The following CHRNA3 variants were observed in gnomAD, a reference collection of about 807,000 sequenced individuals.
CHRNA3 encodes the protein neuronal acetylcholine receptor subunit alpha-3.
CHRNA3 carries 34 observed loss-of-function variants against 41.9 expected under a neutral mutation model. The observed-to-expected ratio is 0.81, with a 90% CI of 0.62 to 1.08. The LOEUF is 1.08. CHRNA3 is among the 50% of genes least tolerant of loss of function. CHRNA3 has a pLI of 0.00. For synonymous variants in CHRNA3, 281 were observed against 265.2 expected (o/e 1.06, Z -0.58); for missense variants, 542 against 638.3 (o/e 0.85, Z 1.63).
rs78513306 is a variant in CHRNA3 at position 78,605,231 on chromosome 15, G to A, written c.378-2967C>T. ...CTATGAGAAAGATCATGATGGCATG[G>A]GTTTTTAAAATCTCTCTAAATTTCT... On this transcript the variant is annotated intron_variant, in intron 4 of 5. Coordinates refer to ENST00000326828, the MANE Select transcript of CHRNA3 (RefSeq NM_000743.5). 6.6e-5 allele frequency among the ~76,000 whole-genome samples: 10 copies of A among 152,182 alleles called. No individual in the cohort carries two copies. In the East Asian group the frequency reaches 1.7e-3, roughly 26 times the overall value.
At chr15:78,604,495 G>A (rs2053253160) in intron 4 of CHRNA3, among the ~76,000 whole-genome samples, 1 of 152,174 alleles carries the variant, frequency 6.6e-6, no homozygotes, top group Admixed American at 6.5e-5. Flanking sequence ...TTGGCTGATG[G>A]CTCATTTCTG....
chr15:78,618,724 C>T (rs2053503277), intron 2 of CHRNA3, 52 bp downstream of exon 2: 1 of 1,614,004 alleles, frequency 6.2e-7, no homozygotes, highest in Non-Finnish European at 8.5e-7. Flanking sequence ...GGGAAAGGCT[C>T]CTCCAGAAGC....
rs575401292 is a variant in CHRNA3 at position 78,602,093 on chromosome 15, A to G, written c.549T>C (p.Asp183=). 6.2e-7 allele frequency: 1 copy of G among 1,614,166 alleles called. No homozygotes were observed. ...TCAGGACCAGATCGATTTTCGCCTT[A>G]TCGTAGGACCAGGAACCGAACTTCA... The part of the protein sequence containing the change: ...CTMKFGSWSY[D]KAKIDLVLIG... The change falls in exon 5 of 6, where the codon GAT becomes GAC. Residue 183 remains aspartate, a synonymous_variant. Coordinates refer to ENST00000326828, the MANE Select transcript of CHRNA3 (RefSeq NM_000743.5).
Position 78,596,439 on chromosome 15 carries a change from CA to C in CHRNA3, c.*164del, listed in dbSNP as rs978302865. ...ATTTATCGGTAATAAATACTCTTGA[CA>C]TTTTTTTTTTTGCATGATTCCAAGA... On this transcript the variant is annotated 3_prime_UTR_variant, in exon 6 of 6. Transcript: ENST00000326828. 30 of 1,270,426 alleles carry C rather than the reference CA, an allele frequency of 2.4e-5. No homozygotes were observed. In the Middle Eastern group the frequency reaches 8.9e-4, roughly 38 times the overall value. 78.7% of individuals were successfully genotyped at this position (1,270,426 alleles called of 1,614,324 possible). A position where few individuals can be genotyped will look rare whatever the true frequency, so the allele number is the denominator to read the frequency against.
chr15:78,596,749 TAAAAG>T lies in CHRNA3; in HGVS notation c.1390-22_1390-18del, dbSNP rs755674938. On this transcript the variant is annotated intron_variant, in intron 5 of 5. Coordinates refer to ENST00000326828, the MANE Select transcript of CHRNA3 (RefSeq NM_000743.5). ...ATCTTGAATCTGCAAAACAAAATGA[TAAAAG>T]AAAAAAAACATGGAGGGAAAGGCAA... 59 of 1,584,714 alleles carry T rather than the reference TAAAAG, an allele frequency of 3.7e-5. No individual in the cohort carries two copies. The African/African-American group carries it at 5.8e-4, about 15-fold the overall frequency.
chr15:78,609,585 A>C (rs1345879910), intron 4 of CHRNA3, among the ~76,000 whole-genome samples: 4 of 152,218 alleles, frequency 2.6e-5, no homozygotes, highest in Non-Finnish European at 5.9e-5. Flanking sequence ...GAAGCGCTAA[A>C]CATGGAAAGG....
downstream of CHRNA3, chr15:78,595,242 GATTTTTATATATAA>G: frequency 1.0e-6 from 1 of 968,408 alleles, no homozygotes; most frequent in Non-Finnish European, 1.2e-6. Flanking sequence ...TGTTACTTAT[GATTTTTATATATAA>G]ATTTTTATCG....
rs8040476 is a variant in CHRNA3 at position 78,612,119 on chromosome 15, A to G, written c.377+4905T>C. Among the ~76,000 whole-genome samples the G allele has an allele frequency of 1.6e-3, 238 of 152,236 alleles. 2 individuals are homozygous for G. The highest frequency in any genetic ancestry group is 5.2e-3 in the African/African-American group (215 of 41,552). ...ATGCTCATGGGTAGGAAGAATCAAT[A>G]TCGTGAAAATGGCCATACTGCCCAA... is the stretch of plus-strand genomic sequence containing the variant. On this transcript the variant is annotated intron_variant, in intron 4 of 5. Coordinates refer to ENST00000326828, the MANE Select transcript of CHRNA3 (RefSeq NM_000743.5).
At chr15:78,596,858 C>CTT in intron 5 of CHRNA3, 126 bp from the exon 6 acceptor site, 1 of 1,347,034 alleles carries the variant, frequency 7.4e-7, no homozygotes, top group Non-Finnish European at 9.7e-7. Context: ...GTAAGAAGCC[C>CTT]TTTTTTTCCT....
At chr15:78,613,786 C>CCAAAAAAAAA (rs1491007959) in intron 4 of CHRNA3, among the ~76,000 whole-genome samples, 1 of 95,072 alleles carries the variant, frequency 1.1e-5, no homozygotes, top group African/African-American at 7.1e-5. Context: ...CCAAAAAAAA[C>CCAAAAAAAAA]CACAAAAAAA....
chr15:78,593,199 T>G (rs777707103), downstream of CHRNA3: 5 of 1,613,736 alleles, frequency 3.1e-6, no homozygotes, highest in South Asian at 5.5e-5. Context: ...TTCCTGTTAT[T>G]TATAAATGGG....
In CHRNA3 at chr15:78,601,623, G is replaced by C. The variant is rs200551904; in HGVS notation, c.1019C>G (p.Ser340Ter). ...GTTCAAGAATACAGTCTTCACCCAT[G>C]AGGGCATTGTGTGTGTCGTCGGGGT... ...YRTPTTHTMPSWVKTVFLNLL... is the reference protein window; with the variant it reads ...YRTPTTHTMP The change falls in exon 5 of 6, where the codon TCA becomes TGA. Residue 340 changes from serine to a stop codon, truncating the protein, a stop_gained. Coordinates refer to ENST00000326828, the MANE Select transcript of CHRNA3 (RefSeq NM_000743.5). LOFTEE classifies it high-confidence loss of function. 7 of 1,614,190 alleles carry C rather than the reference G, an allele frequency of 4.3e-6. No homozygotes were observed. The South Asian group carries it at 7.7e-5, about 18-fold the overall frequency.
chr15:78,617,923 A>G (rs2053489600), intron 3 of CHRNA3, among the ~76,000 whole-genome samples: 1 of 152,176 alleles, frequency 6.6e-6, no homozygotes. Context: ...CCACGCTACC[A>G]ACAACAGCAG....
At chr15:78,614,785 C>A (rs562912177) in intron 4 of CHRNA3, among the ~76,000 whole-genome samples, 1 of 152,260 alleles carries the variant, frequency 6.6e-6, no homozygotes, top group East Asian at 1.9e-4. Context: ...TTCTTCAATA[C>A]CCAGAGAACT....
chr15:78,602,068 T>G lies in CHRNA3; in HGVS notation c.574A>C (p.Ile192Leu). 6.2e-7 allele frequency: 1 copy of G among 1,614,152 alleles called. No homozygotes were observed. The highest frequency in any genetic ancestry group is 8.5e-7 in the Non-Finnish European group (1 of 1,180,030). ...TCCTTGAGGTTCATGGAAGAGCCGA[T>G]CAGGACCAGATCGATTTTCGCCTTA... ...YDKAKIDLVL[I>L]GSSMNLKDYW... is the part of the protein sequence containing the mutation. The change falls in exon 5 of 6, where the codon ATC becomes CTC. Residue 192 changes from isoleucine (I) to leucine (L), a missense_variant. Coordinates refer to ENST00000326828, the MANE Select transcript of CHRNA3 (RefSeq NM_000743.5).
chr15:78,603,408 C>T (rs2053235879), intron 4 of CHRNA3, among the ~76,000 whole-genome samples: 1 of 152,222 alleles, frequency 6.6e-6, no homozygotes, highest in Non-Finnish European at 1.5e-5. Flanking sequence ...GGCATTCCAT[C>T]CGCGATGGCC....
At chr15:78,609,732 T>A (rs2053352968) in intron 4 of CHRNA3, among the ~76,000 whole-genome samples, 1 of 152,112 alleles carries the variant, frequency 6.6e-6, no homozygotes, top group Admixed American at 6.6e-5. Context: ...ATAACAATAT[T>A]AACTTTAAAT....
At chr15:78,603,021 A>G (rs750770807) in intron 4 of CHRNA3, among the ~76,000 whole-genome samples, 10 of 152,110 alleles carry the variant, frequency 6.6e-5, no homozygotes, top group Non-Finnish European at 1.0e-4. Flanking sequence ...TCACACAGAA[A>G]TAGACATTTT....
At chr15:78,616,590 T>A (rs1281937997) in intron 4 of CHRNA3, among the ~76,000 whole-genome samples, 7 of 152,006 alleles carry the variant, frequency 4.6e-5, no homozygotes, top group African/African-American at 1.7e-4. Flanking sequence ...CTCCACACAC[T>A]GGGGTTGGTC....
Sources: allele counts gnomAD v4.1 joint callset (sites outside exome capture counted in the v4.1 genomes callset), GRCh38; gene constraint gnomAD v4.1.1; transcripts MANE v1.5; gene names NCBI Gene and HGNC (gene_info 2026-07-23, HGNC 2026-07-21).